Variants in PPP2CB observed in about 807,000 individuals in gnomAD.
The protein encoded by PPP2CB is serine/threonine-protein phosphatase 2A catalytic subunit beta isoform.
PPP2CB carries 18 observed loss-of-function variants against 39.1 expected under a neutral mutation model. That is an observed-to-expected ratio of 0.46 (90% CI 0.32 to 0.68). PPP2CB has a LOEUF of 0.68. Among genes scored for constraint, PPP2CB ranks in the 30% least tolerant of loss-of-function variants. The probability of loss-of-function intolerance (pLI) is 0.04; values close to 1 mark genes in which losing one functional copy is unlikely to be tolerated. For synonymous variants in PPP2CB, 129 were observed against 133.8 expected (o/e 0.96, Z 0.25); for missense variants, 226 against 396.9 (o/e 0.57, Z 3.66).
In PPP2CB at chr8:30,797,761, G is replaced by C; in HGVS notation, c.313-7C>G. ...TGCGTTCTGGATAACGCACCTGGAAGAAAAGGAGTAAAACCCATAGTAAAA... is the reference window on the plus strand; with the variant it reads ...TGCGTTCTGGATAACGCACCTGGAACAAAAGGAGTAAAACCCATAGTAAAA... On this transcript the variant is annotated splice_region_variant and splice_polypyrimidine_tract_variant and intron_variant, in intron 2 of 6. Coordinates refer to ENST00000221138, the MANE Select transcript of PPP2CB (RefSeq NM_001009552.2). 1.2e-6 allele frequency: 2 copies of C among 1,611,444 alleles called. No homozygotes were observed. Among genetic ancestry groups the C allele is most frequent in the African/African-American group, 2.7e-5 (2 of 74,866 alleles).
At position 30,794,484 on chromosome 8, in the gene PPP2CB, T is replaced by TC. The variant is rs990727363; in HGVS notation, c.487-204_487-203insG. ...CCACCATTAAATTTCTTTTTTTTTT[T>TC]TTCCCCTCCCTCCCTCCCTTCCTTT... On this transcript the variant is annotated intron_variant, in intron 3 of 6. Transcript: ENST00000221138. The TC allele has an allele frequency of 1.2e-5, 6 of 492,924 alleles. No homozygotes were observed. In the Admixed American group the frequency reaches 1.9e-4, roughly 15 times the overall value. 30.5% of individuals were successfully genotyped at this position (492,924 alleles called of 1,614,324 possible).
chr8:30,812,202 G>A (rs1806846044), intron 1 of PPP2CB, 118 bp downstream of exon 1: 2 of 638,514 alleles, frequency 3.1e-6, no homozygotes, highest in Admixed American at 4.9e-5. Context: ...CGGACCCACA[G>A]CCCCGCAGGC....
chr8:30,807,679 CTCTT>C (rs1220965804), intron 1 of PPP2CB, among the ~76,000 whole-genome samples: 9 of 152,186 alleles, frequency 5.9e-5, no homozygotes, highest in Non-Finnish European at 1.3e-4. Flanking sequence ...AAAATTTTTA[CTCTT>C]TCTGAGACAA....
At chr8:30,791,028 C>T in intron 6 of PPP2CB, 169 bp downstream of exon 6, 1 of 538,622 alleles carries the variant, frequency 1.9e-6, no homozygotes, top group East Asian at 3.4e-5. Flanking sequence ...TTTCCAAAAG[C>T]TTTGAAAAAT....
chr8:30,811,505 A>ATT (rs569063598), intron 1 of PPP2CB, among the ~76,000 whole-genome samples: 2,636 of 127,568 alleles, frequency 0.021, 115 homozygotes, highest in African/African-American at 0.068. Flanking sequence ...AGAATCAGCG[A>ATT]TTTTTTTTTT....
Position 30,812,537 on chromosome 8 carries a change from C to A in PPP2CB, c.-116G>T. ...CTCCCCTCTCCCTCCGCCGCCGTCG[C>A]CAGGTCCCACAGGGGGAGGACTGAG... On this transcript the variant is annotated 5_prime_UTR_variant, in exon 1 of 7. Coordinates refer to ENST00000221138, the MANE Select transcript of PPP2CB (RefSeq NM_001009552.2). 1.6e-6 allele frequency: 1 copy of A among 637,346 alleles called. No individual in the cohort carries two copies. Among genetic ancestry groups the A allele is most frequent in the Non-Finnish European group, 2.3e-6 (1 of 430,664 alleles). The allele number at this position is 637,346 out of a possible 1,614,324, so 39.5% of individuals were successfully genotyped here. A position where few individuals can be genotyped will look rare whatever the true frequency, so the allele number is the denominator to read the frequency against.
At position 30,797,483 on chromosome 8, in the gene PPP2CB, C is replaced by A. The variant is rs149569704; in HGVS notation, c.486+98G>T. On this transcript the variant is annotated intron_variant, in intron 3 of 6. Coordinates refer to ENST00000221138, the MANE Select transcript of PPP2CB (RefSeq NM_001009552.2). ...GGAGGAGGAAAAGGCCGAGGAGATG[C>A]AGAAACACAGGTCATATGAATCTAG... The A allele has an allele frequency of 6.7e-3, 8,168 of 1,211,410 alleles. 40 individuals carry two copies. The highest frequency in any genetic ancestry group is 7.9e-3 in the Non-Finnish European group (6,934 of 881,510). 75.0% of individuals were successfully genotyped at this position (1,211,410 alleles called of 1,614,324 possible).
At chr8:30,789,181 C>A (rs1253343809) in intron 6 of PPP2CB, among the ~76,000 whole-genome samples, 1 of 152,110 alleles carries the variant, frequency 6.6e-6, no homozygotes, top group Non-Finnish European at 1.5e-5. Flanking sequence ...CAGGCATGCG[C>A]CACCACACCC....
At chr8:30,805,832 A>G (rs752888342) in intron 1 of PPP2CB, among the ~76,000 whole-genome samples, 2 of 152,180 alleles carry the variant, frequency 1.3e-5, no homozygotes, top group Non-Finnish European at 2.9e-5. Context: ...GCAAGTCAGG[A>G]ATCTCAGGTT....
intron 1 of PPP2CB, among the ~76,000 whole-genome samples, chr8:30,800,345 C>T (rs1412228918): frequency 6.6e-6 from 1 of 152,154 alleles, no homozygotes; most frequent in Non-Finnish European, 1.5e-5. Flanking sequence ...GGCAAATCTT[C>T]AAGGCAGAAG....
chr8:30,793,485 C>A (rs925576981), intron 5 of PPP2CB: 2 of 156,778 alleles, frequency 1.3e-5, no homozygotes, highest in Non-Finnish European at 1.4e-5. Flanking sequence ...ACTGTGATAA[C>A]TATACGGTGG....
intron 1 of PPP2CB, chr8:30,810,352 G>C (rs1806804803): frequency 6.6e-6 from 1 of 152,312 alleles, no homozygotes; most frequent in South Asian, 2.1e-4. Context: ...TCGGGAGGCT[G>C]AGGCAGGAGG....
In PPP2CB at chr8:30,812,446, C is replaced by T; in HGVS notation, c.-25G>A. On this transcript the variant is annotated 5_prime_UTR_variant, in exon 1 of 7. Transcript: ENST00000221138. ...TGGCGGCCCGATCCCGATGCGGATC[C>T]CGAGCCCCAGCCCGGCCGCCGCCCT... is the stretch of plus-strand genomic sequence containing the variant. The T allele has an allele frequency of 6.7e-7, 1 of 1,489,506 alleles. No individual in the cohort carries two copies. The highest frequency in any genetic ancestry group is 9.0e-7 in the Non-Finnish European group (1 of 1,114,804). The allele number at this position is 1,489,506 out of a possible 1,614,324, so 92.3% of individuals were successfully genotyped here. A position where few individuals can be genotyped will look rare whatever the true frequency, so the allele number is the denominator to read the frequency against.
intron 2 of PPP2CB, among the ~76,000 whole-genome samples, chr8:30,798,906 TG>T (rs1806570477): frequency 6.6e-6 from 1 of 152,002 alleles, no homozygotes; most frequent in Non-Finnish European, 1.5e-5. Context: ...GATAACCTCG[TG>T]GGGGAAATCG....
intron 3 of PPP2CB, among the ~76,000 whole-genome samples, chr8:30,796,985 A>T (rs1806538068): frequency 6.6e-6 from 1 of 151,936 alleles, no homozygotes; most frequent in Non-Finnish European, 1.5e-5. Flanking sequence ...GCTAGACCAC[A>T]AGCACGCGCC....
rs1176395668 is a variant in PPP2CB, at chr8:30,785,775, G to T, written c.*460C>A. ...TGTTATGACAACATACTCCCAAGAA[G>T]AACCTTTTCTTCAGTTAAGTTAATT... is the stretch of plus-strand genomic sequence containing the variant. On this transcript the variant is annotated 3_prime_UTR_variant, in exon 7 of 7. Coordinates refer to ENST00000221138, the MANE Select transcript of PPP2CB (RefSeq NM_001009552.2). 2 of 295,526 alleles carry T rather than the reference G, an allele frequency of 6.8e-6. No homozygotes were observed. The highest frequency in any genetic ancestry group is 4.5e-5 in the African/African-American group (2 of 44,680). The allele number at this position is 295,526 out of a possible 1,614,324, so 18.3% of individuals were successfully genotyped here.
chr8:30,802,181 C>T (rs1806638307), intron 1 of PPP2CB, among the ~76,000 whole-genome samples: 1 of 152,126 alleles, frequency 6.6e-6, no homozygotes, highest in Non-Finnish European at 1.5e-5. Flanking sequence ...TGAAGTCTTC[C>T]AGAAAACATG....
chr8:30,811,750 C>A (rs529766365), intron 1 of PPP2CB, among the ~76,000 whole-genome samples: 1 of 152,266 alleles, frequency 6.6e-6, no homozygotes, highest in African/African-American at 2.4e-5. Flanking sequence ...AATCCTCCCG[C>A]TTCAGCCTCC....
chr8:30,805,541 CAG>C (rs922680359), intron 1 of PPP2CB, among the ~76,000 whole-genome samples: 1 of 151,802 alleles, frequency 6.6e-6, no homozygotes, highest in African/African-American at 2.4e-5. Flanking sequence ...GCCTGGATGA[CAG>C]AGAGAGAGAC....
Sources: gnomAD v4.1 joint callset for allele counts (sites outside exome capture counted in the v4.1 genomes callset) on GRCh38, gnomAD v4.1.1 for gene constraint, MANE v1.5 for transcripts, NCBI Gene and HGNC (gene_info 2026-07-23, HGNC 2026-07-21) for gene names.